The following BBS9 variants were observed in gnomAD, a reference collection of about 807,000 sequenced individuals.
BBS9 encodes the protein protein PTHB1.
Under a neutral mutation model 117.7 loss-of-function variants are expected in BBS9, and 89 were observed. That is an observed-to-expected ratio of 0.76 (90% CI 0.64 to 0.90). The LOEUF is 0.90. Ranked by LOEUF, BBS9 falls within the 40% of genes least tolerant of loss-of-function variation. The probability of loss-of-function intolerance (pLI) is 0.00; values close to 1 mark genes in which losing one functional copy is unlikely to be tolerated. For missense variants in BBS9, 982 were observed against 1,042.2 expected (o/e 0.94, Z 0.80); for synonymous variants, 379 against 370.9 (o/e 1.02, Z -0.25).
intron 19 of BBS9, among the ~76,000 whole-genome samples, chr7:33,406,930 G>A (rs1830116852): frequency 6.6e-6 from 1 of 152,008 alleles, no homozygotes; most frequent in Non-Finnish European, 1.5e-5. Flanking sequence ...TGCTCTTCTC[G>A]AGGAGTGTCT....
At chr7:33,377,567 G>T (rs1281390053) in intron 17 of BBS9, among the ~76,000 whole-genome samples, 1 of 152,072 alleles carries the variant, frequency 6.6e-6, no homozygotes, top group Non-Finnish European at 1.5e-5. Flanking sequence ...ACTGTCATTG[G>T]TAGTTTAATT....
chr7:33,215,895 G>T (rs1420159), intron 5 of BBS9, among the ~76,000 whole-genome samples: 125,639 of 152,264 alleles, frequency 0.83, 51,854 homozygotes, highest in Admixed American at 0.86. Context: ...AAGATTTTTT[G>T]TACTTAGATT....
At chr7:33,420,497 T>C (rs1832693789) in intron 19 of BBS9, among the ~76,000 whole-genome samples, 2 of 152,170 alleles carry the variant, frequency 1.3e-5, no homozygotes, top group African/African-American at 2.4e-5. Flanking sequence ...TGGCTTATGA[T>C]GATACTGTTA....
chr7:33,378,464 G>A (rs1322909595), intron 17 of BBS9, among the ~76,000 whole-genome samples: 3 of 152,122 alleles, frequency 2.0e-5, no homozygotes, highest in African/African-American at 7.2e-5. Flanking sequence ...TGCATGTGAT[G>A]TTTCTCTGTT....
At chr7:33,603,837 T>C (rs1401470674) in intron 21 of BBS9, among the ~76,000 whole-genome samples, 1 of 152,226 alleles carries the variant, frequency 6.6e-6, no homozygotes, top group Admixed American at 6.5e-5. Flanking sequence ...CATCGATTTC[T>C]GTTTCAGAGT....
intron 17 of BBS9, among the ~76,000 whole-genome samples, chr7:33,372,394 A>G (rs1823039536): frequency 6.6e-6 from 1 of 152,160 alleles, no homozygotes; most frequent in Non-Finnish European, 1.5e-5. Flanking sequence ...CTTTTTCTGC[A>G]TCTATTGAAA....
chr7:33,173,188 C>T (rs1016855077), intron 4 of BBS9, among the ~76,000 whole-genome samples: 1 of 152,204 alleles, frequency 6.6e-6, no homozygotes, highest in African/African-American at 2.4e-5. Context: ...GAAAAAGAAG[C>T]AAGCCTATTT....
chr7:33,143,348 A>G (rs1285738669), intron 1 of BBS9, among the ~76,000 whole-genome samples: 1 of 152,140 alleles, frequency 6.6e-6, no homozygotes. Flanking sequence ...AACAGCGTAC[A>G]GAGATTCCAA....
intron 5 of BBS9, among the ~76,000 whole-genome samples, chr7:33,221,908 T>TATAC (rs1562824826): frequency 6.6e-6 from 1 of 151,582 alleles, no homozygotes; most frequent in African/African-American, 2.4e-5. Flanking sequence ...TATATATATA[T>TATAC]ACACACACAC....
intron 1 of BBS9, among the ~76,000 whole-genome samples, chr7:33,145,196 C>T (rs781619610): frequency 3.3e-5 from 5 of 152,140 alleles, no homozygotes; most frequent in Non-Finnish European, 5.9e-5. Flanking sequence ...GAATAACTTT[C>T]GTGAATAAGG....
At chr7:33,290,726 G>T (rs775047666) in intron 9 of BBS9, among the ~76,000 whole-genome samples, 21 of 152,304 alleles carry the variant, frequency 1.4e-4, no homozygotes, top group Non-Finnish European at 2.2e-4. Flanking sequence ...AGAATTCTCA[G>T]TATTTGTGTT....
chr7:33,486,665 C>G (rs1351654972), intron 19 of BBS9, among the ~76,000 whole-genome samples: 4 of 152,168 alleles, frequency 2.6e-5, no homozygotes, highest in African/African-American at 9.7e-5. Flanking sequence ...TCTTTCCTGA[C>G]CCAAACTGGA....
chr7:33,520,164 G>C (rs148430957), intron 20 of BBS9, among the ~76,000 whole-genome samples: 6 of 151,876 alleles, frequency 4.0e-5, no homozygotes, highest in African/African-American at 1.5e-4. Context: ...ACCTGACACT[G>C]CACCCAACTA....
intron 4 of BBS9, among the ~76,000 whole-genome samples, chr7:33,171,347 G>A (rs200522273): frequency 0.085 from 12,841 of 151,898 alleles, 574 homozygotes; most frequent in South Asian, 0.13. Flanking sequence ...AAAACAAGCA[G>A]TGGGGAAAGG....
intron 5 of BBS9, among the ~76,000 whole-genome samples, chr7:33,178,818 A>C (rs1251367498): frequency 6.6e-6 from 1 of 152,076 alleles, no homozygotes; most frequent in Non-Finnish European, 1.5e-5. Context: ...AAGACAAGGA[A>C]TAATTGAATT....
intron 5 of BBS9, among the ~76,000 whole-genome samples, chr7:33,239,483 C>G (rs1794103857): frequency 6.6e-6 from 1 of 151,906 alleles, no homozygotes. Context: ...AATCTCGGCT[C>G]ACTGCAACCT....
chr7:33,564,039 CT>C (rs1236758327), intron 21 of BBS9, among the ~76,000 whole-genome samples: 3 of 104,478 alleles, frequency 2.9e-5, no homozygotes, highest in Non-Finnish European at 5.2e-5. Flanking sequence ...TTCATCAATT[CT>C]TTAAAAAAAA....
intron 19 of BBS9, among the ~76,000 whole-genome samples, chr7:33,476,850 T>C (rs1316350854): frequency 6.6e-6 from 1 of 152,248 alleles, no homozygotes; most frequent in East Asian, 1.9e-4. Context: ...AAATTAAGTA[T>C]GTATATAGAT....
At chr7:33,306,356 A>G (rs1441892114) in intron 9 of BBS9, among the ~76,000 whole-genome samples, 1 of 152,076 alleles carries the variant, frequency 6.6e-6, no homozygotes, top group East Asian at 1.9e-4. Context: ...CCATCATGCT[A>G]CTGAAGGTTT....
Sources: allele counts gnomAD v4.1 joint callset (sites outside exome capture counted in the v4.1 genomes callset), GRCh38; gene constraint gnomAD v4.1.1; transcripts MANE v1.5; gene names NCBI Gene and HGNC (gene_info 2026-07-23, HGNC 2026-07-21).